The following RFC3 variants were observed in gnomAD, a reference collection of about 807,000 sequenced individuals.
RFC3 encodes the protein A1 38 kDa subunit.
Under a neutral mutation model 45.1 loss-of-function variants are expected in RFC3, and 41 were observed. The ratio of observed to expected loss-of-function variants is 0.91; its 90% CI spans 0.71 to 1.18. The LOEUF is 1.18. RFC3 is among the 50% of genes most tolerant of loss of function. RFC3 has a pLI of 0.00. For synonymous variants in RFC3, 149 were observed against 144.0 expected (o/e 1.03, Z -0.25); for missense variants, 423 against 428.1 (o/e 0.99, Z 0.10).
intron 8 of RFC3, among the ~76,000 whole-genome samples, chr13:33,874,222 A>G (rs534721113): frequency 6.6e-6 from 1 of 152,302 alleles, no homozygotes; most frequent in South Asian, 2.1e-4. Context: ...TCATAGCTCA[A>G]TTATTAACAA....
At chr13:33,855,693 G>A (rs1232041144) in intron 8 of RFC3, among the ~76,000 whole-genome samples, 7 of 151,996 alleles carry the variant, frequency 4.6e-5, no homozygotes, top group African/African-American at 1.7e-4. Context: ...ATGGTATCTC[G>A]TTGTGGCTTT....
At chr13:33,875,741 A>G (rs1050923603) in intron 8 of RFC3, among the ~76,000 whole-genome samples, 2 of 152,030 alleles carry the variant, frequency 1.3e-5, no homozygotes, top group African/African-American at 4.8e-5. Flanking sequence ...CTGGGTTAGG[A>G]GCCTCTCCTG....
intron 8 of RFC3, chr13:33,848,425 G>A (rs779232843): frequency 6.6e-6 from 1 of 152,142 alleles, no homozygotes; most frequent in Non-Finnish European, 1.5e-5. Context: ...CCCACATCCA[G>A]ACATGAGGTG....
intron 8 of RFC3, among the ~76,000 whole-genome samples, chr13:33,885,396 T>C (rs149836905): frequency 6.6e-6 from 1 of 152,158 alleles, no homozygotes; most frequent in African/African-American, 2.4e-5. Flanking sequence ...ATGCATATAC[T>C]GCATAGTGAT....
chr13:33,892,360 A>G (rs772260173), intron 8 of RFC3, among the ~76,000 whole-genome samples: 5 of 152,214 alleles, frequency 3.3e-5, no homozygotes, highest in Non-Finnish European at 4.4e-5. Context: ...GTTTCATCCA[A>G]CTGAAACTGG....
At chr13:33,940,133 T>G (rs2082913983) in intron 8 of RFC3, among the ~76,000 whole-genome samples, 1 of 152,214 alleles carries the variant, frequency 6.6e-6, no homozygotes, top group South Asian at 2.1e-4. Flanking sequence ...GGAGAGTTAA[T>G]TTGTTGAATT....
At chr13:33,936,670 G>A (rs1199578841) in intron 8 of RFC3, among the ~76,000 whole-genome samples, 2 of 152,130 alleles carry the variant, frequency 1.3e-5, no homozygotes, top group Admixed American at 1.3e-4. Flanking sequence ...CCAGAAGCCA[G>A]GAGAGAGCCC....
At chr13:33,928,568 G>A (rs7319628) in intron 8 of RFC3, among the ~76,000 whole-genome samples, 2,455 of 152,168 alleles carry the variant, frequency 0.016, 55 homozygotes, top group African/African-American at 0.049. Context: ...GGTGTTCACC[G>A]TGCCTTATTA....
intron 8 of RFC3, among the ~76,000 whole-genome samples, chr13:33,860,637 A>G (rs1430964197): frequency 1.3e-5 from 2 of 152,044 alleles, no homozygotes; most frequent in African/African-American, 2.4e-5. Flanking sequence ...GGAGAGAGAA[A>G]CTCGTTCTTT....
intron 8 of RFC3, among the ~76,000 whole-genome samples, chr13:33,943,339 G>T (rs1441896341): frequency 2.0e-5 from 3 of 152,128 alleles, no homozygotes; most frequent in Admixed American, 2.0e-4. Flanking sequence ...CTAGTTTTCT[G>T]TTGCTGCTTA....
intron 8 of RFC3, chr13:33,966,018 C>T: frequency 8.9e-7 from 1 of 1,125,654 alleles, no homozygotes; most frequent in African/African-American, 1.5e-5. Flanking sequence ...CCTTTGTATC[C>T]TCTATGGAAT....
chr13:33,955,449 T>C (rs1227229754), intron 8 of RFC3, among the ~76,000 whole-genome samples: 1 of 151,376 alleles, frequency 6.6e-6, no homozygotes, highest in Non-Finnish European at 1.5e-5. Flanking sequence ...GTAGGAAGAG[T>C]ATATCTACAT....
At chr13:33,883,329 A>T (rs1221431157) in intron 8 of RFC3, among the ~76,000 whole-genome samples, 1 of 152,180 alleles carries the variant, frequency 6.6e-6, no homozygotes, top group Non-Finnish European at 1.5e-5. Flanking sequence ...AAATTGCATA[A>T]TTTTTGTTAG....
At chr13:33,883,553 G>A (rs2137605439) in intron 8 of RFC3, among the ~76,000 whole-genome samples, 1 of 152,142 alleles carries the variant, frequency 6.6e-6, no homozygotes, top group East Asian at 1.9e-4. Context: ...ACAATTGGGG[G>A]AATCTGAATG....
chr13:33,878,688 T>C (rs1226528920), intron 8 of RFC3, among the ~76,000 whole-genome samples: 1 of 152,136 alleles, frequency 6.6e-6, no homozygotes, highest in African/African-American at 2.4e-5. Context: ...CACAGGATGT[T>C]CAGAGCTGTT....
intron 8 of RFC3, among the ~76,000 whole-genome samples, chr13:33,930,778 C>T (rs979273606): frequency 1.8e-4 from 28 of 152,028 alleles, no homozygotes; most frequent in African/African-American, 6.5e-4. Flanking sequence ...ATCGATGTAA[C>T]GTACTAATGG....
chr13:33,834,182 G>C (rs1231929792), intron 7 of RFC3, among the ~76,000 whole-genome samples: 1 of 145,450 alleles, frequency 6.9e-6, no homozygotes, highest in African/African-American at 2.6e-5. Flanking sequence ...CTTTTTTTAA[G>C]ATTTAATGTG....
rs2082087308 is a variant in RFC3, at chr13:33,829,994, G to A, written c.550G>A (p.Val184Met). 1.2e-6 allele frequency: 2 copies of A among 1,614,002 alleles called. No homozygotes were observed. The highest frequency in any genetic ancestry group is 2.2e-5 in the East Asian group (1 of 44,880). The change falls in exon 5 of 9, where the codon GTG (valine) becomes ATG (methionine). Residue 184 changes from valine to methionine, a missense_variant. Val to Met is a conservative substitution (Grantham distance 21). Coordinates refer to ENST00000380071, the MANE Select transcript of RFC3 (RefSeq NM_002915.4). ...PIRSRCLAVR[V>M]PAPSIEDICH... ...TCGTAGTAGGTGCTTGGCGGTTCGT[G>A]TGCCTGCTCCCAGCATTGAAGATGT...
intron 8 of RFC3, among the ~76,000 whole-genome samples, chr13:33,965,274 A>G (rs948153516): frequency 1.3e-5 from 2 of 152,198 alleles, no homozygotes; most frequent in Admixed American, 6.5e-5. Flanking sequence ...TAAAAATAAT[A>G]CAGTCATGAG....
Sources: allele counts gnomAD v4.1 joint callset (sites outside exome capture counted in the v4.1 genomes callset), GRCh38; gene constraint gnomAD v4.1.1; transcripts MANE v1.5; gene names NCBI Gene and HGNC (gene_info 2026-07-23, HGNC 2026-07-21).